Variants in ADGRB3 observed in about 807,000 individuals in gnomAD.
The protein encoded by ADGRB3 is adhesion G protein-coupled receptor B3, also known as brain-specific angiogenesis inhibitor 3.
In ADGRB3, 37 loss-of-function variants were observed where a neutral mutation model predicts 193.4. That is an observed-to-expected ratio of 0.19 (90% confidence interval 0.15 to 0.25). ADGRB3 has a LOEUF of 0.25. Among genes scored for constraint, ADGRB3 ranks in the 10% least tolerant of loss-of-function variants. The probability of loss-of-function intolerance (pLI) is 1.00; values close to 1 mark genes in which losing one functional copy is unlikely to be tolerated. For missense variants in ADGRB3, 1,637 were observed against 1,852.9 expected (o/e 0.88, Z 2.14); for synonymous variants, 690 against 644.2 (o/e 1.07, Z -1.08).
Position 69,256,178 on chromosome 6 carries a change from C to T in ADGRB3, c.2814+16952C>T, listed in dbSNP as rs1209236723. ...TTCTTTTGGCTTAGGATTGACTTGGCGATGCGGGCTCTTTTTTGGTTCCAT... is the reference window on the plus strand; with the variant it reads ...TTCTTTTGGCTTAGGATTGACTTGGTGATGCGGGCTCTTTTTTGGTTCCAT... On this transcript the variant is annotated intron_variant, in intron 20 of 31. Coordinates refer to ENST00000370598, the MANE Select transcript of ADGRB3 (RefSeq NM_001704.3). 1.4e-4 allele frequency among the ~76,000 whole-genome samples: 21 copies of T among 150,900 alleles called. No individual in the cohort carries two copies. In the South Asian group the frequency reaches 2.1e-3, roughly 15 times the overall value.
intron 20 of ADGRB3, among the ~76,000 whole-genome samples, chr6:69,306,193 T>C (rs1409513858): frequency 2.0e-5 from 3 of 151,398 alleles, no homozygotes; most frequent in Admixed American, 2.0e-4. Flanking sequence ...CTACAAATTT[T>C]CTCTTATACT....
chr6:69,367,163 T>G (rs1001727476), intron 29 of ADGRB3, among the ~76,000 whole-genome samples: 5 of 152,130 alleles, frequency 3.3e-5, no homozygotes, highest in Admixed American at 2.6e-4. Context: ...AGTGCAGTGA[T>G]CCTGAGGTAG....
At chr6:68,744,548 T>G (rs575071894) in intron 3 of ADGRB3, among the ~76,000 whole-genome samples, 75 of 152,294 alleles carry the variant, frequency 4.9e-4, no homozygotes, top group Admixed American at 1.6e-3. Context: ...CGTGGAATAC[T>G]ATGCAGCCAT....
At chr6:69,319,243 A>C (rs1768388787) in intron 20 of ADGRB3, among the ~76,000 whole-genome samples, 1 of 151,104 alleles carries the variant, frequency 6.6e-6, no homozygotes, top group African/African-American at 2.4e-5. Flanking sequence ...GTTTCTCTTT[A>C]ATTGATTATT....
intron 28 of ADGRB3, among the ~76,000 whole-genome samples, chr6:69,358,853 G>A (rs1392701250): frequency 6.6e-6 from 1 of 151,594 alleles, no homozygotes; most frequent in African/African-American, 2.4e-5. Context: ...AGTCTAAGAG[G>A]CAGGCATTTC....
At chr6:68,773,181 G>A (rs544833546) in intron 3 of ADGRB3, among the ~76,000 whole-genome samples, 1 of 151,868 alleles carries the variant, frequency 6.6e-6, no homozygotes, top group African/African-American at 2.4e-5. Flanking sequence ...CAACTTATAG[G>A]TTCAATATTA....
chr6:69,384,943 G>A (rs1015073718), intron 31 of ADGRB3, among the ~76,000 whole-genome samples: 54 of 144,194 alleles, frequency 3.7e-4, no homozygotes, highest in African/African-American at 1.3e-3. Context: ...CAAATAAAGG[G>A]GTTTTTCTTT....
In ADGRB3 at chr6:68,694,662, C is replaced by T. The variant is rs116448042; in HGVS notation, c.757+55230C>T. Reference sequence around the variant, plus strand: ...GATCCCTTAAACTCTGGTGCTCTGTCCCTTTTTTGATGGTCATTCTCTTGT... The same window carrying T: ...GATCCCTTAAACTCTGGTGCTCTGTTCCTTTTTTGATGGTCATTCTCTTGT... On this transcript the variant is annotated intron_variant, in intron 3 of 31. Transcript: ENST00000370598. 2.6e-3 allele frequency among the ~76,000 whole-genome samples: 396 copies of T among 152,090 alleles called. 5 individuals are homozygous for T. Among genetic ancestry groups the T allele is most frequent in the African/African-American group, 6.6e-3 (273 of 41,520 alleles).
At chr6:68,977,757 A>G (rs149264905) in intron 10 of ADGRB3, among the ~76,000 whole-genome samples, 1,525 of 152,254 alleles carry the variant, frequency 0.01, 22 homozygotes, top group Non-Finnish European at 0.014. Flanking sequence ...GGAAACTTTC[A>G]TAAATGAATC....
At chr6:68,660,712 A>G (rs190650421) in intron 3 of ADGRB3, among the ~76,000 whole-genome samples, 17 of 151,326 alleles carry the variant, frequency 1.1e-4, no homozygotes, top group Admixed American at 1.1e-3. Flanking sequence ...TGCTTCAATT[A>G]CATAGCAAGG....
chr6:68,821,717 C>T (rs1347041973), intron 3 of ADGRB3, among the ~76,000 whole-genome samples: 3 of 151,566 alleles, frequency 2.0e-5, no homozygotes, highest in Non-Finnish European at 4.4e-5. Flanking sequence ...TTAATAAACT[C>T]ATCTGGTAGC....
intron 16 of ADGRB3, among the ~76,000 whole-genome samples, chr6:69,069,784 A>G (rs1772025031): frequency 6.6e-6 from 1 of 151,268 alleles, no homozygotes; most frequent in South Asian, 2.1e-4. Context: ...TATGAACAAA[A>G]TATGAATTAG....
chr6:69,069,324 A>C (rs1177995744), intron 16 of ADGRB3, among the ~76,000 whole-genome samples: 1 of 151,966 alleles, frequency 6.6e-6, no homozygotes, highest in African/African-American at 2.4e-5. Context: ...CATGACACTG[A>C]AATGGGTCCC....
chr6:68,844,838 G>C (rs771864275), intron 3 of ADGRB3, among the ~76,000 whole-genome samples: 1 of 152,126 alleles, frequency 6.6e-6, no homozygotes, highest in African/African-American at 2.4e-5. Context: ...GGAACTGGAG[G>C]TCATTAGGTT....
intron 3 of ADGRB3, among the ~76,000 whole-genome samples, chr6:68,650,457 G>C (rs1768336839): frequency 6.6e-6 from 1 of 151,864 alleles, no homozygotes; most frequent in African/African-American, 2.4e-5. Context: ...CACTGCCCTA[G>C]ATGTTCAAAG....
intron 17 of ADGRB3, among the ~76,000 whole-genome samples, chr6:69,159,026 A>G (rs975360450): frequency 2.6e-5 from 4 of 152,024 alleles, no homozygotes; most frequent in African/African-American, 9.7e-5. Flanking sequence ...AATTATTTTC[A>G]TATTTCATCA....
At chr6:69,190,157 A>G (rs1414734673) in intron 17 of ADGRB3, among the ~76,000 whole-genome samples, 1 of 152,100 alleles carries the variant, frequency 6.6e-6, no homozygotes, top group Admixed American at 6.6e-5. Flanking sequence ...TACTTTTACT[A>G]TTTAAAAAAA....
intron 3 of ADGRB3, among the ~76,000 whole-genome samples, chr6:68,765,508 A>T (rs1766491462): frequency 6.7e-6 from 1 of 149,460 alleles, no homozygotes; most frequent in African/African-American, 2.5e-5. Flanking sequence ...CATTGCAAAA[A>T]CCTTTCTTGT....
chr6:68,920,721 G>A (rs764619087), intron 3 of ADGRB3, among the ~76,000 whole-genome samples: 1 of 151,858 alleles, frequency 6.6e-6, no homozygotes, highest in Non-Finnish European at 1.5e-5. Flanking sequence ...ATCAACTTTG[G>A]CCCATTCTCT....
Sources: gnomAD v4.1 joint callset for allele counts (sites outside exome capture counted in the v4.1 genomes callset) on GRCh38, gnomAD v4.1.1 for gene constraint, MANE v1.5 for transcripts, NCBI Gene and HGNC (gene_info 2026-07-23, HGNC 2026-07-21) for gene names.